MGAT4C: variants seen among roughly 807,000 people sequenced by gnomAD.
MGAT4C encodes the protein alpha-1,3-mannosyl-glycoprotein 4-beta-N-acetylglucosaminyltransferase C.
In MGAT4C, 19 loss-of-function variants were observed where a neutral mutation model predicts 40.1. The ratio of observed to expected loss-of-function variants is 0.47; its 90% CI spans 0.33 to 0.70. The LOEUF (loss-of-function observed/expected upper bound fraction) is 0.70, where lower values mean the gene tolerates loss of function less well. Among genes scored for constraint, MGAT4C ranks in the 30% least tolerant of loss-of-function variants. The pLI, the probability that MGAT4C is intolerant of heterozygous loss-of-function variation, is 0.02. For missense variants in MGAT4C, 491 were observed against 563.2 expected (o/e 0.87, Z 1.30); for synonymous variants, 181 against 187.1 (o/e 0.97, Z 0.27).
intron 2 of MGAT4C, among the ~76,000 whole-genome samples, chr12:86,458,146 A>C (rs980475752): frequency 6.6e-6 from 1 of 152,174 alleles, no homozygotes; most frequent in Non-Finnish European, 1.5e-5. Context: ...TTAGCACCTA[A>C]AGTATTTTAG....
chr12:86,741,970 A>T (rs549096724), intron 1 of MGAT4C, among the ~76,000 whole-genome samples: 1 of 151,608 alleles, frequency 6.6e-6, no homozygotes, highest in South Asian at 2.1e-4. Flanking sequence ...ATTTTCACAT[A>T]TTTGATTATG....
At chr12:86,010,694 CAACA>C (rs201550905) in intron 2 of MGAT4C, among the ~76,000 whole-genome samples, 5 of 60,216 alleles carry the variant, frequency 8.3e-5, no homozygotes, top group Non-Finnish European at 1.4e-4. Flanking sequence ...ACAAACAAAC[CAACA>C]AACAAACAAA....
chr12:86,421,754 G>A (rs1433789687), intron 3 of MGAT4C, among the ~76,000 whole-genome samples: 1 of 152,152 alleles, frequency 6.6e-6, no homozygotes, highest in Non-Finnish European at 1.5e-5. Context: ...TCCAGCCTGG[G>A]CGACAAGAGA....
At chr12:86,020,395 C>G (rs575941391) in intron 2 of MGAT4C, among the ~76,000 whole-genome samples, 1 of 152,052 alleles carries the variant, frequency 6.6e-6, no homozygotes, top group African/African-American at 2.4e-5. Flanking sequence ...GAGATATAGA[C>G]CAATGGAACA....
At chr12:86,728,054 G>A (rs1950852517) in intron 1 of MGAT4C, among the ~76,000 whole-genome samples, 1 of 152,120 alleles carries the variant, frequency 6.6e-6, no homozygotes, top group African/African-American at 2.4e-5. Flanking sequence ...TGATAAATAA[G>A]TTTTATTCAG....
At chr12:86,765,796 C>T (rs1387533105) in intron 1 of MGAT4C, among the ~76,000 whole-genome samples, 1 of 152,094 alleles carries the variant, frequency 6.6e-6, no homozygotes, top group Non-Finnish European at 1.5e-5. Context: ...AAATAAAATA[C>T]TTTACAGACA....
chr12:86,100,612 T>C, intron 1 of MGAT4C, among the ~76,000 whole-genome samples: 1 of 151,556 alleles, frequency 6.6e-6, no homozygotes, highest in Non-Finnish European at 1.5e-5. Flanking sequence ...ACTTTCATTA[T>C]TCTCCACTAT....
intron 3 of MGAT4C, among the ~76,000 whole-genome samples, chr12:86,421,038 T>C (rs1295566396): frequency 6.6e-6 from 1 of 152,024 alleles, no homozygotes; most frequent in East Asian, 1.9e-4. Flanking sequence ...AGTAATAAAA[T>C]ATAGTGAGAC....
chr12:86,509,577 GT>G (rs1416316771), intron 2 of MGAT4C, among the ~76,000 whole-genome samples: 2 of 152,094 alleles, frequency 1.3e-5, no homozygotes, highest in South Asian at 2.1e-4. Flanking sequence ...CTTTAAAGTA[GT>G]TTTTTCCAAT....
In MGAT4C at chr12:85,969,906, G is replaced by A. The variant is rs1292554148; in HGVS notation, c.*9383C>T. 1 of 151,278 alleles carries A rather than the reference G, an allele frequency of 6.6e-6. No individual in the cohort carries two copies. Among genetic ancestry groups the A allele is most frequent in the Non-Finnish European group, 1.5e-5 (1 of 67,452 alleles). 9.4% of individuals were successfully genotyped at this position (151,278 alleles called of 1,614,324 possible). On this transcript the variant is annotated 3_prime_UTR_variant, in exon 5 of 5. Coordinates refer to ENST00000611864, the MANE Select transcript of MGAT4C (RefSeq NM_001351288.2). ...TAATCTATTAAATAGACAGTGAAAT[G>A]CACATGAAATCTTCACACAGTGTCT... is the stretch of plus-strand genomic sequence containing the variant.
intron 2 of MGAT4C, among the ~76,000 whole-genome samples, chr12:86,714,979 T>G (rs934780977): frequency 6.6e-6 from 1 of 152,116 alleles, no homozygotes; most frequent in African/African-American, 2.4e-5. Flanking sequence ...GTTCACTTCA[T>G]AACATACAGC....
intron 1 of MGAT4C, among the ~76,000 whole-genome samples, chr12:86,160,940 C>A (rs1885525227): frequency 6.6e-6 from 1 of 151,976 alleles, no homozygotes; most frequent in East Asian, 1.9e-4. Flanking sequence ...TCTTAATCTA[C>A]TCTAACTTTT....
At chr12:86,016,753 T>C (rs1889126087) in intron 2 of MGAT4C, among the ~76,000 whole-genome samples, 1 of 152,092 alleles carries the variant, frequency 6.6e-6, no homozygotes, top group African/African-American at 2.4e-5. Context: ...GGCCTATGTG[T>C]AAATTTTTTT....
intron 1 of MGAT4C, among the ~76,000 whole-genome samples, chr12:86,128,478 C>A (rs541552650): frequency 6.6e-6 from 1 of 152,096 alleles, no homozygotes; most frequent in Non-Finnish European, 1.5e-5. Context: ...CAAGAAGTGC[C>A]TTTCACCTCC....
At chr12:86,577,569 C>T (rs904121820) in intron 2 of MGAT4C, among the ~76,000 whole-genome samples, 1 of 151,756 alleles carries the variant, frequency 6.6e-6, no homozygotes, top group Non-Finnish European at 1.5e-5. Flanking sequence ...ACCCTTTATT[C>T]TGTTGATATA....
At chr12:86,016,598 C>G (rs1298606247) in intron 2 of MGAT4C, among the ~76,000 whole-genome samples, 1 of 152,204 alleles carries the variant, frequency 6.6e-6, no homozygotes, top group Admixed American at 6.5e-5. Flanking sequence ...GGTAAGGCCA[C>G]TTAACACAGA....
chr12:86,509,118 G>A (rs1316285966), intron 2 of MGAT4C, among the ~76,000 whole-genome samples: 1 of 152,100 alleles, frequency 6.6e-6, no homozygotes, highest in East Asian at 1.9e-4. Context: ...TGGTGTTTTA[G>A]ACATGAAGTC....
At chr12:86,451,402 A>T (rs968571002) in intron 2 of MGAT4C, among the ~76,000 whole-genome samples, 2 of 152,200 alleles carry the variant, frequency 1.3e-5, no homozygotes, top group Non-Finnish European at 2.9e-5. Flanking sequence ...TAAAGTAGCC[A>T]GTCTCAGGTA....
intron 3 of MGAT4C, among the ~76,000 whole-genome samples, chr12:86,430,166 A>G (rs145244884): frequency 6.6e-6 from 1 of 152,080 alleles, no homozygotes; most frequent in East Asian, 1.9e-4. Context: ...TGTTTTTCAA[A>G]TTTTACTACA....
Sources: gnomAD v4.1 joint callset for allele counts (sites outside exome capture counted in the v4.1 genomes callset) on GRCh38, gnomAD v4.1.1 for gene constraint, MANE v1.5 for transcripts, NCBI Gene and HGNC (gene_info 2026-07-23, HGNC 2026-07-21) for gene names.